Variants in TANC1 observed in about 807,000 individuals in gnomAD.
TANC1 encodes the protein protein TANC1.
TANC1 carries 77 observed loss-of-function variants against 149.7 expected under a neutral mutation model. That is an observed-to-expected ratio of 0.51 (90% CI 0.43 to 0.62). The LOEUF (loss-of-function observed/expected upper bound fraction) is 0.62, where lower values mean the gene tolerates loss of function less well. TANC1 is among the 20% of genes least tolerant of loss of function. TANC1 has a pLI of 0.00. For synonymous variants in TANC1, 854 were observed against 925.0 expected (o/e 0.92, Z 1.39); for missense variants, 1,985 against 2,321.8 (o/e 0.85, Z 2.98).
At chr2:159,039,851 T>C (rs530775237) in intron 2 of TANC1, among the ~76,000 whole-genome samples, 1 of 152,348 alleles carries the variant, frequency 6.6e-6, no homozygotes, top group African/African-American at 2.4e-5. Flanking sequence ...GAGAGTTCTG[T>C]AGATGTCTAT....
chr2:159,100,399 A>G (rs981743033), intron 4 of TANC1, among the ~76,000 whole-genome samples: 2 of 152,186 alleles, frequency 1.3e-5, no homozygotes, highest in Non-Finnish European at 2.9e-5. Flanking sequence ...ATGTCTCCTT[A>G]TATGTGTGTG....
At chr2:159,213,062 A>ATG (rs2059105677) in intron 19 of TANC1, among the ~76,000 whole-genome samples, 1 of 152,214 alleles carries the variant, frequency 6.6e-6, no homozygotes, top group Non-Finnish European at 1.5e-5. Flanking sequence ...ATCTCTAGTG[A>ATG]TGTAGTCATC....
intron 19 of TANC1, among the ~76,000 whole-genome samples, chr2:159,204,960 C>T (rs2058502940): frequency 6.6e-6 from 1 of 152,246 alleles, no homozygotes; most frequent in African/African-American, 2.4e-5. Context: ...CCGTAGTTTA[C>T]TGTTCACTAA....
At chr2:159,006,247 G>A (rs539995630) in intron 2 of TANC1, among the ~76,000 whole-genome samples, 21 of 141,346 alleles carry the variant, frequency 1.5e-4, no homozygotes, top group Admixed American at 5.2e-4. Context: ...AGTGAGCCAA[G>A]ATGGTGCTGC....
intron 19 of TANC1, among the ~76,000 whole-genome samples, chr2:159,207,157 G>T (rs549155411): frequency 6.6e-6 from 1 of 152,204 alleles, no homozygotes; most frequent in Non-Finnish European, 1.5e-5. Flanking sequence ...ATGAGGAACC[G>T]CTCAAACATT....
intron 16 of TANC1, among the ~76,000 whole-genome samples, chr2:159,191,656 C>A (rs1342238708): frequency 1.3e-5 from 2 of 152,144 alleles, no homozygotes; most frequent in African/African-American, 4.8e-5. Context: ...ACCTGGGGTT[C>A]TAACCTGTCA....
chr2:159,099,314 C>CA (rs1382334856), intron 4 of TANC1, among the ~76,000 whole-genome samples: 8 of 152,140 alleles, frequency 5.3e-5, no homozygotes, highest in African/African-American at 1.9e-4. Flanking sequence ...TGCCCTCCCT[C>CA]ACTGCTGTAT....
intron 1 of TANC1, among the ~76,000 whole-genome samples, chr2:158,980,559 G>C (rs1034149978): frequency 6.6e-6 from 1 of 151,960 alleles, no homozygotes; most frequent in Admixed American, 6.6e-5. Flanking sequence ...GGCAGATCAC[G>C]AGGTCAGGAG....
At chr2:159,017,241 C>T (rs549694197) in intron 2 of TANC1, among the ~76,000 whole-genome samples, 46 of 152,166 alleles carry the variant, frequency 3.0e-4, no homozygotes, top group African/African-American at 9.4e-4. Context: ...TGTTAGGCAA[C>T]GGTGGAAATC....
At chr2:159,215,580 T>C (rs1272927804) in intron 19 of TANC1, among the ~76,000 whole-genome samples, 1 of 152,180 alleles carries the variant, frequency 6.6e-6, no homozygotes. Context: ...AAGGGGTGTG[T>C]GCAGACACCA....
chr2:159,072,292 T>C (rs868501996), intron 3 of TANC1, among the ~76,000 whole-genome samples: 3 of 152,352 alleles, frequency 2.0e-5, no homozygotes, highest in South Asian at 2.1e-4. Flanking sequence ...TGATTTTTAA[T>C]AGGAGCAGGA....
chr2:159,037,059 G>A (rs1182174636), intron 2 of TANC1, among the ~76,000 whole-genome samples: 3 of 152,154 alleles, frequency 2.0e-5, no homozygotes, highest in Non-Finnish European at 4.4e-5. Flanking sequence ...GTTCTAACTG[G>A]TGTGAGATGG....
chr2:159,051,560 G>A (rs2041465545), intron 2 of TANC1, among the ~76,000 whole-genome samples: 1 of 151,960 alleles, frequency 6.6e-6, no homozygotes, highest in Non-Finnish European at 1.5e-5. Flanking sequence ...AAACTTCATA[G>A]GTTTGATTAG....
chr2:159,146,666 G>A (rs540190026), intron 5 of TANC1, among the ~76,000 whole-genome samples: 22 of 150,592 alleles, frequency 1.5e-4, no homozygotes, highest in African/African-American at 3.4e-4. Flanking sequence ...TCAGCCTCCC[G>A]AGTAGCTGGG....
In TANC1 at chr2:159,169,318, T is replaced by A. The variant is rs1438414131; in HGVS notation, c.1015T>A (p.Ser339Thr). Residue 339 changes from serine (S) to threonine (T), a missense_variant, in exon 9 of 27, where the codon TCA becomes ACA. This residue lies in a region of TANC1 where 557 missense variants were observed against 612.9 expected (regional missense o/e 0.91). Transcript: ENST00000263635. Reference protein sequence around the residue: ...DGQRNAPLRTSIRLPWHNTAG... With the variant: ...DGQRNAPLRTTIRLPWHNTAG... ...GCAGAGAAATGCTCCTCTACGGACG[T>A]CAATTAGATTACCATGGCACAATAC... 2 of 1,613,804 alleles carry A rather than the reference T, an allele frequency of 1.2e-6. No individual in the cohort carries two copies. Among genetic ancestry groups the A allele is most frequent in the African/African-American group, 2.7e-5 (2 of 74,910 alleles).
At chr2:159,182,980 G>A (rs533112433) in intron 14 of TANC1, among the ~76,000 whole-genome samples, 35 of 152,228 alleles carry the variant, frequency 2.3e-4, no homozygotes, top group Non-Finnish European at 4.3e-4. Flanking sequence ...TGAGCAGGCC[G>A]TGTTCTGCAA....
At chr2:159,111,916 C>A (rs533883160) in intron 4 of TANC1, among the ~76,000 whole-genome samples, 2 of 152,048 alleles carry the variant, frequency 1.3e-5, no homozygotes, top group African/African-American at 4.8e-5. Flanking sequence ...AAATATATGC[C>A]CATTGTACGC....
chr2:159,122,055 A>T (rs890218210), intron 4 of TANC1, among the ~76,000 whole-genome samples: 1 of 152,132 alleles, frequency 6.6e-6, no homozygotes, highest in African/African-American at 2.4e-5. Context: ...CTCCCACCTC[A>T]GCCTCCCAAG....
chr2:159,061,383 A>G (rs2042223958), intron 2 of TANC1, among the ~76,000 whole-genome samples: 1 of 152,170 alleles, frequency 6.6e-6, no homozygotes, highest in East Asian at 1.9e-4. Flanking sequence ...TCATCAAGGA[A>G]TTCTCTGACC....
Sources: allele counts gnomAD v4.1 joint callset (sites outside exome capture counted in the v4.1 genomes callset), GRCh38; gene constraint gnomAD v4.1.1; regional missense constraint gnomAD v4.1.1; transcripts MANE v1.5; gene names NCBI Gene and HGNC (gene_info 2026-07-23, HGNC 2026-07-21).